The following KIF2C variants were observed in gnomAD, a reference collection of about 807,000 sequenced individuals.
The protein encoded by KIF2C is kinesin-like protein KIF2C.
A neutral mutation model predicts 97.4 loss-of-function variants in KIF2C; 34 were observed. The observed-to-expected ratio is 0.35, with a 90% confidence interval of 0.27 to 0.46. KIF2C has a LOEUF of 0.46. KIF2C is among the 20% of genes least tolerant of loss of function. The pLI, the probability that KIF2C is intolerant of heterozygous loss-of-function variation, is 1.00. For synonymous variants in KIF2C, 313 were observed against 318.2 expected (o/e 0.98, Z 0.17); for missense variants, 750 against 907.6 (o/e 0.83, Z 2.23).
chr1:44,752,325 G>A (rs1573561319), intron 5 of KIF2C, among the ~76,000 whole-genome samples: 1 of 148,884 alleles, frequency 6.7e-6, no homozygotes, highest in Non-Finnish European at 1.5e-5. Flanking sequence ...TAGTAGAGAC[G>A]GGGTTTCACT....
chr1:44,766,951 T>G lies in KIF2C; in HGVS notation c.2095+2T>G. 6.2e-7 allele frequency: 1 copy of G among 1,614,022 alleles called. No homozygotes were observed. Among genetic ancestry groups the G allele is most frequent in the Non-Finnish European group, 8.5e-7 (1 of 1,179,982 alleles). Reference sequence around the variant, plus strand: ...CCAAGCATTTCTCAGCCCTGCGAGGTGGGTGTGGCTGGATGGGGTGCAGGT... The same window carrying G: ...CCAAGCATTTCTCAGCCCTGCGAGGGGGGTGTGGCTGGATGGGGTGCAGGT... On this transcript the variant is annotated splice_donor_variant, in intron 20 of 20. Transcript: ENST00000372224. LOFTEE classifies it high-confidence loss of function.
At position 44,759,300 on chromosome 1, in the gene KIF2C, ACT is replaced by A. The variant is rs1650013979; in HGVS notation, c.1322_1323del (p.Ser441CysfsTer2). On this transcript the variant is annotated frameshift_variant, in exon 14 of 21. Transcript: ENST00000372224. LOFTEE classifies it high-confidence loss of function. ...GTGGGGCTGCAGGAGCATCTGGTTA[ACT>A]CTGCTGATGATGTCATCAAGATGAT... 3 of 1,614,086 alleles carry A rather than the reference ACT, an allele frequency of 1.9e-6. No homozygotes were observed. The highest frequency in any genetic ancestry group is 1.1e-5 in the South Asian group (1 of 91,084).
Position 44,750,431 on chromosome 1 carries a change from C to T in KIF2C, c.317-11C>T, listed in dbSNP as rs760470836. The T allele has an allele frequency of 1.0e-5, 15 of 1,445,590 alleles. No homozygotes were observed. The highest frequency in any genetic ancestry group is 9.1e-5 in the Admixed American group (4 of 44,050). 89.5% of individuals were successfully genotyped at this position (1,445,590 alleles called of 1,614,324 possible). On this transcript the variant is annotated splice_polypyrimidine_tract_variant and intron_variant, in intron 4 of 20. Transcript: ENST00000372224. Reference sequence around the variant, plus strand: ...TGCAGCACTGACTGGCTACTGCTCTCGGTTCTCCAGGTCTTCGAAGCCGCT... The same window carrying T: ...TGCAGCACTGACTGGCTACTGCTCTTGGTTCTCCAGGTCTTCGAAGCCGCT...
intron 2 of KIF2C, among the ~76,000 whole-genome samples, chr1:44,742,821 G>A (rs1000495067): frequency 5.3e-5 from 8 of 152,068 alleles, no homozygotes; most frequent in Middle Eastern, 3.4e-3. Context: ...ATATCAGTTT[G>A]GTGAATGAAA....
chr1:44,767,540 A>G lies in KIF2C; in HGVS notation c.*361A>G, dbSNP rs926873194. 3 of 232,132 alleles carry G rather than the reference A, an allele frequency of 1.3e-5. No individual in the cohort carries two copies. The highest frequency in any genetic ancestry group is 5.2e-5 in the Admixed American group (1 of 19,402). The allele number at this position is 232,132 out of a possible 1,614,324, so 14.4% of individuals were successfully genotyped here. A position where few individuals can be genotyped will look rare whatever the true frequency, so the allele number is the denominator to read the frequency against. Reference sequence around the variant, plus strand: ...CCCTGGGGTTGTCCTGGCTCTGGGGAGAGAGACGGAGCCTTTAGTACAGCT... The same window carrying G: ...CCCTGGGGTTGTCCTGGCTCTGGGGGGAGAGACGGAGCCTTTAGTACAGCT... On this transcript the variant is annotated 3_prime_UTR_variant, in exon 21 of 21. Coordinates refer to ENST00000372224, the MANE Select transcript of KIF2C (RefSeq NM_006845.4).
chr1:44,745,680 G>A (rs922162801), intron 2 of KIF2C, among the ~76,000 whole-genome samples: 1 of 151,422 alleles, frequency 6.6e-6, no homozygotes, highest in Non-Finnish European at 1.5e-5. Context: ...ATGTTGGTCA[G>A]GCTGGTCTTG....
intron 2 of KIF2C, among the ~76,000 whole-genome samples, chr1:44,743,271 C>T (rs1225990190): frequency 6.6e-6 from 1 of 152,206 alleles, no homozygotes; most frequent in East Asian, 1.9e-4. Context: ...GGATTCTAGT[C>T]TGGCTCTGCC....
Position 44,753,721 on chromosome 1 carries a change from A to C in KIF2C, c.563-12A>C. The C allele has an allele frequency of 6.6e-7, 1 of 1,514,622 alleles. No homozygotes were observed. Among genetic ancestry groups the C allele is most frequent in the Non-Finnish European group, 8.9e-7 (1 of 1,118,568 alleles). The allele number at this position is 1,514,622 out of a possible 1,614,324, so 93.8% of individuals were successfully genotyped here. ...CTTCCTTTTTTTTTCTTTTTTTTTTATGTTTTCATAGTTCGGAGGAAATCA... is the reference window on the plus strand; with the variant it reads ...CTTCCTTTTTTTTTCTTTTTTTTTTCTGTTTTCATAGTTCGGAGGAAATCA... On this transcript the variant is annotated splice_polypyrimidine_tract_variant and intron_variant, in intron 6 of 20. Coordinates refer to ENST00000372224, the MANE Select transcript of KIF2C (RefSeq NM_006845.4).
intron 20 of KIF2C, 58 bp from the exon 21 acceptor site, chr1:44,767,039 G>C: frequency 1.2e-6 from 2 of 1,608,094 alleles, no homozygotes; most frequent in South Asian, 2.2e-5. Flanking sequence ...TGCCCTGAGT[G>C]AATGGGGGCT....
At chr1:44,763,854 C>T (rs1295717653) in intron 19 of KIF2C, among the ~76,000 whole-genome samples, 2 of 151,968 alleles carry the variant, frequency 1.3e-5, no homozygotes, top group African/African-American at 2.4e-5. Flanking sequence ...GCCAACGTGG[C>T]GAAACCCCAT....
In KIF2C at chr1:44,758,044, C is replaced by T. The variant is rs377472170; in HGVS notation, c.1133-5C>T. ...TTGTTTGCTTAGCAAAGTTCTCTCC[C>T]TCAGCCCGGGACGTCTTCCTCCTGA... On this transcript the variant is annotated splice_polypyrimidine_tract_variant and splice_region_variant and intron_variant, in intron 12 of 20. Coordinates refer to ENST00000372224, the MANE Select transcript of KIF2C (RefSeq NM_006845.4). 4 of 1,614,080 alleles carry T rather than the reference C, an allele frequency of 2.5e-6. No individual in the cohort carries two copies. Among genetic ancestry groups the T allele is most frequent in the African/African-American group, 2.7e-5 (2 of 74,918 alleles).
chr1:44,759,084 C>T, intron 13 of KIF2C, 122 bp from the exon 14 acceptor site: 3 of 1,250,626 alleles, frequency 2.4e-6, no homozygotes, highest in Non-Finnish European at 3.4e-6. Context: ...TCCATCAGTT[C>T]GTATTCTCTG....
At chr1:44,745,358 CT>C (rs896545598) in intron 2 of KIF2C, among the ~76,000 whole-genome samples, 3,715 of 134,802 alleles carry the variant, frequency 0.028, 139 homozygotes, top group African/African-American at 0.091. Flanking sequence ...TTCTATCCTC[CT>C]TTTTTTTTTT....
At chr1:44,747,780 C>A in intron 4 of KIF2C, 80 bp downstream of exon 4, 1 of 1,315,928 alleles carries the variant, frequency 7.6e-7, no homozygotes, top group Non-Finnish European at 1.1e-6. Context: ...TGTGGAAGCT[C>A]CTCTTTTGCA....
intron 5 of KIF2C, among the ~76,000 whole-genome samples, chr1:44,752,793 G>A (rs1251781527): frequency 6.6e-6 from 1 of 152,184 alleles, no homozygotes; most frequent in Admixed American, 6.5e-5. Context: ...AGTCAGAAAG[G>A]CCTGGCTTTT....
chr1:44,741,413 G>A (rs956252626), intron 2 of KIF2C, among the ~76,000 whole-genome samples: 2 of 151,506 alleles, frequency 1.3e-5, no homozygotes, highest in Non-Finnish European at 2.9e-5. Flanking sequence ...GGCTGGGTGC[G>A]GTGGCTCTTG....
chr1:44,750,418 T>G, intron 4 of KIF2C, 24 bp from the exon 5 acceptor site: 1 of 1,414,300 alleles, frequency 7.1e-7, no homozygotes, highest in East Asian at 2.6e-5. Context: ...CAGCACTGAC[T>G]GGCTACTGCT....
chr1:44,761,126 C>T (rs1385862387), intron 16 of KIF2C: 1 of 187,636 alleles, frequency 5.3e-6, no homozygotes, highest in African/African-American at 2.4e-5. Flanking sequence ...GTCCTCTTTC[C>T]TGTTTTATCC....
chr1:44,760,204 TC>T lies in KIF2C; in HGVS notation c.1368-74del, dbSNP rs1650062801. On this transcript the variant is annotated intron_variant, in intron 14 of 20. Transcript: ENST00000372224. The surrounding 1 kb of genome is among the most constrained non-coding windows in gnomAD (Gnocchi z 4.2). ...CGCCTCCTAACCTGTGTCCCTCCCTTCCTAGAGAACTTCTGTGGACTTGGGT... is the reference window on the plus strand; with the variant it reads ...CGCCTCCTAACCTGTGTCCCTCCCTTCTAGAGAACTTCTGTGGACTTGGGT... 8 of 1,381,568 alleles carry T rather than the reference TC, an allele frequency of 5.8e-6. No homozygotes were observed. Among genetic ancestry groups the T allele is most frequent in the Non-Finnish European group, 7.1e-6 (7 of 980,036 alleles). The allele number at this position is 1,381,568 out of a possible 1,614,324, so 85.6% of individuals were successfully genotyped here.
Sources: gnomAD v4.1 joint callset for allele counts (sites outside exome capture counted in the v4.1 genomes callset) on GRCh38, gnomAD v4.1.1 for gene constraint, Gnocchi (gnomAD v3.1) non-coding constraint, MANE v1.5 for transcripts, NCBI Gene and HGNC (gene_info 2026-07-23, HGNC 2026-07-21) for gene names.